The following GTF2B variants were observed in gnomAD, a reference collection of about 807,000 sequenced individuals.
GTF2B encodes the protein transcription initiation factor IIB.
In GTF2B, 20 loss-of-function variants were observed where a neutral mutation model predicts 34.6. That is an observed-to-expected ratio of 0.58 (90% CI 0.41 to 0.84). The LOEUF (loss-of-function observed/expected upper bound fraction) is 0.84, where lower values mean the gene tolerates loss of function less well. Among genes scored for constraint, GTF2B ranks in the 40% least tolerant of loss-of-function variants. The probability of loss-of-function intolerance (pLI) is 0.00; values close to 1 mark genes in which losing one functional copy is unlikely to be tolerated. For synonymous variants in GTF2B, 142 were observed against 132.4 expected, an observed-to-expected ratio of 1.07 and a Z score of -0.50; for missense variants, 237 against 393.3, an observed-to-expected ratio of 0.60 and a Z score of 3.36.
intron 3 of GTF2B, 93 bp from the exon 4 acceptor site, chr1:88,860,379 T>C: frequency 2.4e-6 from 2 of 841,498 alleles, no homozygotes; most frequent in Admixed American, 2.3e-5. Flanking sequence ...GATCTGATTC[T>C]ACATAGACCA....
chr1:88,876,146 T>C (rs755725939), intron 2 of GTF2B, among the ~76,000 whole-genome samples: 2 of 152,212 alleles, frequency 1.3e-5, no homozygotes, highest in Admixed American at 1.3e-4. Context: ...TGAATACAAA[T>C]ACGTTTATTT....
chr1:88,883,719 C>T (rs1212200188), intron 2 of GTF2B, among the ~76,000 whole-genome samples: 1 of 152,056 alleles, frequency 6.6e-6, no homozygotes, highest in African/African-American at 2.4e-5. Context: ...GAATGAAGTT[C>T]ATTGTTCACA....
chr1:88,876,188 C>G (rs1240482201), intron 2 of GTF2B, among the ~76,000 whole-genome samples: 1 of 152,116 alleles, frequency 6.6e-6, no homozygotes, highest in Non-Finnish European at 1.5e-5. Flanking sequence ...TTAAATGAAA[C>G]CTGATTTTTT....
intron 1 of GTF2B, 27 bp downstream of exon 1, chr1:88,891,456 T>G: frequency 6.3e-7 from 1 of 1,591,954 alleles, no homozygotes. Context: ...GCCCCTCAGC[T>G]CGCCGGGCTC....
chr1:88,874,930 TAAA>T (rs56771486), intron 2 of GTF2B, among the ~76,000 whole-genome samples: 40 of 146,040 alleles, frequency 2.7e-4, no homozygotes, highest in Admixed American at 1.9e-3. Flanking sequence ...ACATTTAAAG[TAAA>T]AAAAAAAAAT....
At chr1:88,869,587 C>T (rs1458002621) in intron 2 of GTF2B, among the ~76,000 whole-genome samples, 4 of 152,190 alleles carry the variant, frequency 2.6e-5, no homozygotes, top group South Asian at 4.2e-4. Flanking sequence ...AGTTCAGTGG[C>T]TATTGCTGGG....
At chr1:88,857,761 A>G (rs1673348899) in intron 5 of GTF2B, among the ~76,000 whole-genome samples, 1 of 136,466 alleles carries the variant, frequency 7.3e-6, no homozygotes, top group African/African-American at 2.8e-5. Flanking sequence ...AGCTCACTGC[A>G]ACCTCCACCT....
At chr1:88,864,712 T>C (rs942679255) in intron 2 of GTF2B, among the ~76,000 whole-genome samples, 3 of 152,212 alleles carry the variant, frequency 2.0e-5, no homozygotes, top group Non-Finnish European at 2.9e-5. Flanking sequence ...AAATATATCA[T>C]GTCCAATAAA....
At chr1:88,866,802 A>C (rs750282386) in intron 2 of GTF2B, among the ~76,000 whole-genome samples, 4 of 152,328 alleles carry the variant, frequency 2.6e-5, no homozygotes, top group Non-Finnish European at 5.9e-5. Context: ...TTGAGATTAG[A>C]GGCAGAGTTC....
intron 2 of GTF2B, among the ~76,000 whole-genome samples, chr1:88,884,397 A>G (rs1011867227): frequency 1.3e-5 from 2 of 152,224 alleles, no homozygotes; most frequent in Non-Finnish European, 2.9e-5. Context: ...AGCCAAGGAA[A>G]AATATACCTG....
At position 88,852,643 on chromosome 1, in the gene GTF2B, A is replaced by G. The variant is rs1673218272; in HGVS notation, c.*570T>C. ...AGCTCACTAAGAAAATCACATACTT[A>G]GAACATTTTAATGTCTCTCAAGCTG... On this transcript the variant is annotated 3_prime_UTR_variant, in exon 7 of 7. Coordinates refer to ENST00000370500, the MANE Select transcript of GTF2B (RefSeq NM_001514.6). Among the ~76,000 whole-genome samples, 1 of 152,214 alleles carries G rather than the reference A, an allele frequency of 6.6e-6. No individual in the cohort carries two copies. The highest frequency in any genetic ancestry group is 6.5e-5 in the Admixed American group (1 of 15,280).
intron 6 of GTF2B, among the ~76,000 whole-genome samples, chr1:88,855,359 G>GTTTTTTTTTTT (rs750561898): frequency 8.1e-6 from 1 of 124,180 alleles, no homozygotes; most frequent in Non-Finnish European, 1.7e-5. Flanking sequence ...TTCTGTTTTT[G>GTTTTTTTTTTT]TTTTTTTTTT....
At chr1:88,871,904 T>C (rs1220242626) in intron 2 of GTF2B, among the ~76,000 whole-genome samples, 1 of 151,910 alleles carries the variant, frequency 6.6e-6, no homozygotes, top group Non-Finnish European at 1.5e-5. Flanking sequence ...GCTAATTTTT[T>C]GTATTTTTAG....
At chr1:88,862,529 T>C (rs972512280) in intron 3 of GTF2B, among the ~76,000 whole-genome samples, 1 of 152,002 alleles carries the variant, frequency 6.6e-6, no homozygotes, top group African/African-American at 2.4e-5. Flanking sequence ...TTAGCGACAG[T>C]GTTAGAACGT....
intron 6 of GTF2B, among the ~76,000 whole-genome samples, chr1:88,856,119 T>TA (rs1673297185): frequency 1.3e-5 from 2 of 151,384 alleles, no homozygotes; most frequent in Admixed American, 1.3e-4. Context: ...AAAATACAAA[T>TA]ATTAGCTGGG....
chr1:88,856,719 CTG>C, intron 6 of GTF2B, among the ~76,000 whole-genome samples: 1 of 151,806 alleles, frequency 6.6e-6, no homozygotes, highest in East Asian at 1.9e-4. Flanking sequence ...GGTTATGTCT[CTG>C]AACATTTTTT....
rs1674046960 is a variant in GTF2B at position 88,885,533 on chromosome 1, A to C, written c.124+1728T>G. ...GAGGCCAAGGCGATCGTATCACCTG[A>C]GGTCAGGAGTTCGAGACCAGCCTGA... On this transcript the variant is annotated intron_variant, in intron 2 of 6. Coordinates refer to ENST00000370500, the MANE Select transcript of GTF2B (RefSeq NM_001514.6). 5.9e-5 allele frequency among the ~76,000 whole-genome samples: 9 copies of C among 152,154 alleles called. 1 individual carries two copies. The South Asian group carries it at 1.7e-3, about 28-fold the overall frequency.
chr1:88,877,133 C>A (rs932506921), intron 2 of GTF2B, among the ~76,000 whole-genome samples: 2 of 152,170 alleles, frequency 1.3e-5, no homozygotes, highest in Non-Finnish European at 2.9e-5. Flanking sequence ...AGCCTAGAAT[C>A]TTTTTAAGCA....
intron 3 of GTF2B, 93 bp downstream of exon 3, chr1:88,863,874 GTCAAGATTCCCCAC>G: frequency 1.1e-6 from 1 of 917,420 alleles, no homozygotes; most frequent in South Asian, 1.5e-5. Context: ...TATTAGACAG[GTCAAGATTCCCCAC>G]TGGTGCAGTG....
Sources: gnomAD v4.1 joint callset for allele counts (sites outside exome capture counted in the v4.1 genomes callset) on GRCh38, gnomAD v4.1.1 for gene constraint, MANE v1.5 for transcripts, NCBI Gene and HGNC (gene_info 2026-07-23, HGNC 2026-07-21) for gene names.